The following CCSER1 variants were observed in gnomAD, a reference collection of about 807,000 sequenced individuals.
The protein encoded by CCSER1 is coiled-coil serine rich protein 1.
Under a neutral mutation model 82.0 loss-of-function variants are expected in CCSER1, and 41 were observed. The observed-to-expected ratio is 0.50, with a 90% CI of 0.39 to 0.65. The LOEUF (loss-of-function observed/expected upper bound fraction) is 0.65. Ranked by LOEUF, CCSER1 falls within the 30% of genes least tolerant of loss-of-function variation. The pLI, the probability that CCSER1 is intolerant of heterozygous loss-of-function variation, is 0.00. For missense variants in CCSER1, 1,119 were observed against 1,064.2 expected, an observed-to-expected ratio of 1.05 and a Z score of -0.72; for synonymous variants, 414 against 383.9, an observed-to-expected ratio of 1.08 and a Z score of -0.92.
At chr4:90,139,769 A>T (rs998377410) in intron 1 of CCSER1, among the ~76,000 whole-genome samples, 2 of 152,124 alleles carry the variant, frequency 1.3e-5, no homozygotes, top group African/African-American at 4.8e-5. Flanking sequence ...CCTGGACAAC[A>T]TGATGAACTC....
At chr4:91,318,512 A>G (rs1037272439) in intron 10 of CCSER1, among the ~76,000 whole-genome samples, 4 of 151,992 alleles carry the variant, frequency 2.6e-5, no homozygotes, top group Admixed American at 2.0e-4. Flanking sequence ...GGAGAAAGAA[A>G]GTTTTTTATA....
At chr4:91,151,854 T>C (rs544051367) in intron 10 of CCSER1, among the ~76,000 whole-genome samples, 1 of 152,330 alleles carries the variant, frequency 6.6e-6, no homozygotes, top group South Asian at 2.1e-4. Flanking sequence ...TGTTATAATT[T>C]CTGTTCTTTT....
At chr4:90,332,933 A>G (rs1739594307) in intron 3 of CCSER1, among the ~76,000 whole-genome samples, 1 of 152,152 alleles carries the variant, frequency 6.6e-6, no homozygotes, top group East Asian at 1.9e-4. Context: ...ACCACGTGTT[A>G]TGTTTAGTTG....
In CCSER1 at chr4:90,237,659, C is replaced by A. The variant is rs183360101; in HGVS notation, c.-41-70585C>A. Among the ~76,000 whole-genome samples, 242 of 152,288 alleles carry A rather than the reference C, an allele frequency of 1.6e-3. 2 individuals carry two copies. Among genetic ancestry groups the A allele is most frequent in the African/African-American group, 5.5e-3 (227 of 41,538 alleles). On this transcript the variant is annotated intron_variant, in intron 1 of 10. Coordinates refer to ENST00000509176, the MANE Select transcript of CCSER1 (RefSeq NM_001145065.2). ...ATGGGAAGTCTTTGGAAATGGAAGG[C>A]CCACAACCTACCTATATATGAAGCC...
chr4:90,832,428 G>A (rs1761237770), intron 8 of CCSER1, among the ~76,000 whole-genome samples: 1 of 152,016 alleles, frequency 6.6e-6, no homozygotes, highest in South Asian at 2.1e-4. Context: ...GTGAAAAAGT[G>A]TCTACTTCTT....
chr4:91,502,016 T>C (rs1759236140), intron 10 of CCSER1, among the ~76,000 whole-genome samples: 1 of 152,194 alleles, frequency 6.6e-6, no homozygotes, highest in Non-Finnish European at 1.5e-5. Context: ...AAAATAAAAC[T>C]TACTAATGAT....
intron 10 of CCSER1, among the ~76,000 whole-genome samples, chr4:91,326,472 A>G (rs148366250): frequency 3.3e-5 from 5 of 152,258 alleles, no homozygotes; most frequent in African/African-American, 7.2e-5. Flanking sequence ...TCATGATCCA[A>G]TCACCTCCCA....
At chr4:91,131,675 G>C (rs1728012251) in intron 10 of CCSER1, among the ~76,000 whole-genome samples, 1 of 151,982 alleles carries the variant, frequency 6.6e-6, no homozygotes, top group Admixed American at 6.6e-5. Flanking sequence ...TAGATAGATA[G>C]ATCTTGCATT....
At chr4:90,685,766 C>T (rs1734709708) in intron 6 of CCSER1, among the ~76,000 whole-genome samples, 1 of 152,146 alleles carries the variant, frequency 6.6e-6, no homozygotes, top group Admixed American at 6.6e-5. Context: ...ATTGGAAAAT[C>T]AAACCGCGAT....
At chr4:91,167,844 G>T (rs926816910) in intron 10 of CCSER1, among the ~76,000 whole-genome samples, 1 of 152,180 alleles carries the variant, frequency 6.6e-6, no homozygotes, top group Non-Finnish European at 1.5e-5. Flanking sequence ...TAAATAATAC[G>T]CTTTTACAAA....
At chr4:90,465,140 T>C (rs1350612411) in intron 4 of CCSER1, among the ~76,000 whole-genome samples, 2 of 151,846 alleles carry the variant, frequency 1.3e-5, no homozygotes, top group Non-Finnish European at 1.5e-5. Context: ...ATTTTTGTAT[T>C]TTTATTAGAG....
chr4:91,235,549 T>C (rs1738934604), intron 10 of CCSER1, among the ~76,000 whole-genome samples: 1 of 152,176 alleles, frequency 6.6e-6, no homozygotes, highest in Admixed American at 6.5e-5. Flanking sequence ...CATTCTATCT[T>C]CATGATATAT....
intron 10 of CCSER1, among the ~76,000 whole-genome samples, chr4:91,432,223 A>G (rs1414738938): frequency 1.3e-5 from 2 of 152,224 alleles, no homozygotes; most frequent in African/African-American, 2.4e-5. Flanking sequence ...CTGTGAGTCA[A>G]TTAAACCTCT....
chr4:91,196,323 A>C (rs1735434039), intron 10 of CCSER1, among the ~76,000 whole-genome samples: 1 of 152,214 alleles, frequency 6.6e-6, no homozygotes, highest in Admixed American at 6.5e-5. Context: ...CAATTTACTA[A>C]AAACTTAAGA....
At chr4:91,302,519 A>AC (rs1414812057) in intron 10 of CCSER1, among the ~76,000 whole-genome samples, 1 of 152,004 alleles carries the variant, frequency 6.6e-6, no homozygotes, top group East Asian at 1.9e-4. Flanking sequence ...TCTTCACAGG[A>AC]CAGGGGCATT....
intron 5 of CCSER1, among the ~76,000 whole-genome samples, chr4:90,622,230 G>T (rs185620172): frequency 6.6e-5 from 10 of 152,090 alleles, no homozygotes; most frequent in South Asian, 2.1e-4. Flanking sequence ...TTAAGAGTGG[G>T]GTACTAGCTG....
At chr4:90,203,613 G>C (rs1738181970) in intron 1 of CCSER1, among the ~76,000 whole-genome samples, 2 of 152,090 alleles carry the variant, frequency 1.3e-5, no homozygotes, top group African/African-American at 4.8e-5. Flanking sequence ...CATTTGAGTT[G>C]GTTCCAAGTC....
At chr4:90,497,818 T>A (rs1490844823) in intron 5 of CCSER1, among the ~76,000 whole-genome samples, 2 of 152,150 alleles carry the variant, frequency 1.3e-5, no homozygotes, top group Non-Finnish European at 2.9e-5. Context: ...GTAACTTGGC[T>A]TTATCTAAAG....
At chr4:90,932,960 AAGAAAGAAAGAAAGAAAGAAAG>A (rs1730157737) in intron 9 of CCSER1, among the ~76,000 whole-genome samples, 3 of 45,606 alleles carry the variant, frequency 6.6e-5, no homozygotes, top group East Asian at 9.1e-4. Context: ...GAAAGAAAGA[AAGAAAGAAAGAAAGAAAGAAAG>A]AGAAAGAAAG....
Sources: gnomAD v4.1 joint callset for allele counts (sites outside exome capture counted in the v4.1 genomes callset) on GRCh38, gnomAD v4.1.1 for gene constraint, MANE v1.5 for transcripts, NCBI Gene and HGNC (gene_info 2026-07-23, HGNC 2026-07-21) for gene names.